FOXP2: variants seen among roughly 807,000 people sequenced by gnomAD.
FOXP2 encodes the protein forkhead box P2.
Under a neutral mutation model 115.8 loss-of-function variants are expected in FOXP2, and 12 were observed. The observed-to-expected ratio is 0.10, with a 90% CI of 0.07 to 0.17. FOXP2 has a LOEUF of 0.17. Ranked by LOEUF, FOXP2 falls within the 10% of genes least tolerant of loss-of-function variation. The pLI, the probability that FOXP2 is intolerant of heterozygous loss-of-function variation, is 1.00. For missense variants in FOXP2, 629 were observed against 843.5 expected, an observed-to-expected ratio of 0.75 and a Z score of 3.15; for synonymous variants, 328 against 297.7, an observed-to-expected ratio of 1.10 and a Z score of -1.05.
chr7:114,365,471 G>A (rs1211975316), intron 2 of FOXP2, among the ~76,000 whole-genome samples: 1 of 151,962 alleles, frequency 6.6e-6, no homozygotes, highest in Non-Finnish European at 1.5e-5. Context: ...TTAAAACTGA[G>A]CACCACTATT....
chr7:114,285,457 G>T (rs1172235197), intron 1 of FOXP2: 1 of 152,074 alleles, frequency 6.6e-6, no homozygotes, highest in Non-Finnish European at 1.5e-5. Context: ...GGAGAGAAAG[G>T]TATGTAAATA....
intron 2 of FOXP2, among the ~76,000 whole-genome samples, chr7:114,506,177 T>C (rs543163204): frequency 5.9e-5 from 9 of 151,826 alleles, no homozygotes; most frequent in Non-Finnish European, 1.2e-4. Flanking sequence ...TTATTCATAC[T>C]AAGGAGACAT....
chr7:114,472,162 T>C (rs1796078110), intron 2 of FOXP2, among the ~76,000 whole-genome samples: 1 of 152,006 alleles, frequency 6.6e-6, no homozygotes, highest in Admixed American at 6.6e-5. Context: ...GGTTTCTTTA[T>C]GCTACATGCA....
intron 16 of FOXP2, among the ~76,000 whole-genome samples, chr7:114,674,995 CTTATA>C (rs1454650382): frequency 6.6e-6 from 1 of 152,004 alleles, no homozygotes; most frequent in Non-Finnish European, 1.5e-5. Context: ...TTTAATGTCA[CTTATA>C]TTATTAGCTT....
At chr7:114,531,967 TA>T (rs1799164185) in intron 2 of FOXP2, among the ~76,000 whole-genome samples, 2 of 151,904 alleles carry the variant, frequency 1.3e-5, no homozygotes, top group South Asian at 4.1e-4. Context: ...CGCAGGTTGG[TA>T]AAATGGATGG....
chr7:114,564,579 A>T (rs958961361), intron 3 of FOXP2, among the ~76,000 whole-genome samples: 1 of 152,092 alleles, frequency 6.6e-6, no homozygotes, highest in Admixed American at 6.6e-5. Context: ...CACAGTTGAT[A>T]AAAAATATCT....
chr7:114,260,264 G>C lies in FOXP2; in HGVS notation c.-101-27755G>C, dbSNP rs1301472931. On this transcript the variant is annotated intron_variant, in intron 1 of 17. Coordinates refer to the FOXP2 transcript ENST00000634411. ...GCCAAAAAACCAATGTGACTTTGCAGCTCCTCCCAGGCTATTTCTACATTC... is the reference window on the plus strand; with the variant it reads ...GCCAAAAAACCAATGTGACTTTGCACCTCCTCCCAGGCTATTTCTACATTC... Among the ~76,000 whole-genome samples the C allele has an allele frequency of 2.7e-5, 4 of 150,778 alleles. No homozygotes were observed. In the East Asian group the frequency reaches 7.8e-4, roughly 29 times the overall value.
At chr7:114,516,640 G>A (rs748841342) in intron 2 of FOXP2, among the ~76,000 whole-genome samples, 1 of 151,336 alleles carries the variant, frequency 6.6e-6, no homozygotes, top group African/African-American at 2.4e-5. Flanking sequence ...GCGTACAAAG[G>A]TTTCACATCC....
In FOXP2 at chr7:114,588,508, C is replaced by G. The variant is rs1563018420; in HGVS notation, c.259-40032C>G. On this transcript the variant is annotated intron_variant, in intron 3 of 16. Transcript: ENST00000350908. ...TTGAAAATGGAAAATGAAATACTCT[C>G]TGCCCACAAGAAACTGACAATACAT... Among the ~76,000 whole-genome samples the G allele has an allele frequency of 2.0e-5, 3 of 152,258 alleles. No homozygotes were observed. In the South Asian group the frequency reaches 6.2e-4, roughly 32 times the overall value.
intron 6 of FOXP2, among the ~76,000 whole-genome samples, chr7:114,632,315 G>A (rs1180419305): frequency 1.3e-5 from 2 of 152,050 alleles, no homozygotes; most frequent in African/African-American, 2.4e-5. Context: ...TTATTTTTCT[G>A]TAAGAAAAAT....
intron 1 of FOXP2, among the ~76,000 whole-genome samples, chr7:114,269,982 C>T (rs533969597): frequency 6.6e-6 from 1 of 152,164 alleles, no homozygotes; most frequent in East Asian, 1.9e-4. Flanking sequence ...TAACCACATT[C>T]ATCCAGAAAT....
At chr7:114,285,721 T>A (rs2092078404) in intron 1 of FOXP2, among the ~76,000 whole-genome samples, 2 of 152,072 alleles carry the variant, frequency 1.3e-5, no homozygotes, top group Admixed American at 1.3e-4. Flanking sequence ...TTAATTTGCA[T>A]CTTCCTGATT....
chr7:114,486,665 A>G (rs138055363), intron 2 of FOXP2, among the ~76,000 whole-genome samples: 172 of 152,346 alleles, frequency 1.1e-3, no homozygotes, highest in Non-Finnish European at 2.0e-3. Flanking sequence ...TCTTGATACA[A>G]TAGGGATACA....
chr7:114,628,999 A>T, intron 4 of FOXP2: 1 of 319,562 alleles, frequency 3.1e-6, no homozygotes. Flanking sequence ...AATACTTACC[A>T]GATAATAGTT....
chr7:114,631,495 T>G, intron 5 of FOXP2, 33 bp from the exon 6 acceptor site: 1 of 1,552,438 alleles, frequency 6.4e-7, no homozygotes, highest in Non-Finnish European at 8.7e-7. Context: ...CCATGTTCTC[T>G]GCTGTTTACT....
chr7:114,233,209 A>G (rs1794928230), intron 1 of FOXP2, among the ~76,000 whole-genome samples: 1 of 152,238 alleles, frequency 6.6e-6, no homozygotes. Context: ...TAATTTCTCC[A>G]TATAGATAGT....
chr7:114,461,674 T>C (rs1795565809), intron 2 of FOXP2, among the ~76,000 whole-genome samples: 1 of 152,150 alleles, frequency 6.6e-6, no homozygotes, highest in South Asian at 2.1e-4. Context: ...TTTGCCATCT[T>C]CCATTTCTTC....
chr7:114,209,622 G>A (rs998547077), intron 1 of FOXP2, among the ~76,000 whole-genome samples: 6 of 152,052 alleles, frequency 3.9e-5, no homozygotes, highest in Non-Finnish European at 7.4e-5. Context: ...ATGCTTATGT[G>A]TCTTGGGGTT....
chr7:114,539,405 A>G (rs2129280186), intron 3 of FOXP2, among the ~76,000 whole-genome samples: 1 of 152,124 alleles, frequency 6.6e-6, no homozygotes, highest in Middle Eastern at 3.4e-3. Context: ...AAATAAAAGC[A>G]GCATTGCCAG....
Sources: allele counts gnomAD v4.1 joint callset (sites outside exome capture counted in the v4.1 genomes callset), GRCh38; gene constraint gnomAD v4.1.1; transcripts MANE v1.5; gene names NCBI Gene and HGNC (gene_info 2026-07-23, HGNC 2026-07-21).